CNOT1: variants seen among roughly 807,000 people sequenced by gnomAD.
CNOT1 encodes CCR4-associated factor 1.
CNOT1 carries 15 observed loss-of-function variants against 273.8 expected under a neutral mutation model. The observed-to-expected ratio is 0.05, with a 90% CI of 0.04 to 0.08. The LOEUF (loss-of-function observed/expected upper bound fraction) is 0.08. Among genes scored for constraint, CNOT1 ranks in the 10% least tolerant of loss-of-function variants. CNOT1 has a pLI of 1.00. For missense variants in CNOT1, 1,644 were observed against 2,912.2 expected (o/e 0.56, Z 10.02); for synonymous variants, 1,022 against 1,005.5 (o/e 1.02, Z -0.31).
chr16:58,619,018 C>A (rs561159940), intron 1 of CNOT1, among the ~76,000 whole-genome samples: 1 of 152,134 alleles, frequency 6.6e-6, no homozygotes, highest in East Asian at 1.9e-4. Flanking sequence ...CATAGTGAGA[C>A]CCCCATCACT....
chr16:58,574,358 T>C (rs1433379459), intron 16 of CNOT1, among the ~76,000 whole-genome samples: 1 of 151,368 alleles, frequency 6.6e-6, no homozygotes, highest in Non-Finnish European at 1.5e-5. Flanking sequence ...AGTAGTGGTC[T>C]CAACAAATGC....
intron 2 of CNOT1, among the ~76,000 whole-genome samples, chr16:58,593,200 G>A (rs1202060233): frequency 6.6e-6 from 1 of 152,064 alleles, no homozygotes; most frequent in Non-Finnish European, 1.5e-5. Context: ...AGGAGGGCGG[G>A]ATCTCTCGAG....
chr16:58,580,437 T>C (rs1459663966), intron 12 of CNOT1, among the ~76,000 whole-genome samples, 196 bp downstream of exon 12: 1 of 152,076 alleles, frequency 6.6e-6, no homozygotes, highest in African/African-American at 2.4e-5. Context: ...AGACAGACCT[T>C]ACAAGATATA....
rs2039950369 is a variant in CNOT1, at chr16:58,537,027, G to A, written c.5608C>T (p.Arg1870Cys). ...VNLYHSAAAG[R>C]DSTKAFSAFV... The stretch of plus-strand genomic sequence containing the variant: ...GCAGAGAAAGCTTTGGTACTGTCGC[G>A]GCCAGCTGCTGCTGAATGGTAGAGA... The change falls in exon 39 of 49, where the codon CGC becomes TGC. Residue 1870 changes from arginine to cysteine, a missense_variant. Coordinates refer to ENST00000317147, the MANE Select transcript of CNOT1 (RefSeq NM_016284.5). The A allele has an allele frequency of 6.2e-7, 1 of 1,613,960 alleles. No individual in the cohort carries two copies.
intron 2 of CNOT1, among the ~76,000 whole-genome samples, chr16:58,591,728 T>C (rs1223128758): frequency 6.6e-6 from 1 of 150,482 alleles, no homozygotes; most frequent in Non-Finnish European, 1.5e-5. Flanking sequence ...CACTCCAGCC[T>C]GGGCGACAAG....
intron 2 of CNOT1, among the ~76,000 whole-genome samples, chr16:58,589,235 G>A (rs566246563): frequency 4.3e-4 from 65 of 152,262 alleles, no homozygotes; most frequent in Non-Finnish European, 7.9e-4. Context: ...TTCCTGGGCC[G>A]GGTGCAGTGG....
At chr16:58,587,289 C>A in intron 5 of CNOT1, 34 bp from the exon 6 acceptor site, 1 of 1,613,556 alleles carries the variant, frequency 6.2e-7, no homozygotes, top group South Asian at 1.1e-5. Flanking sequence ...ACCAAAGAGT[C>A]AAATGGCTGT....
intron 1 of CNOT1, among the ~76,000 whole-genome samples, chr16:58,605,243 C>T (rs1482481944): frequency 6.6e-6 from 1 of 152,196 alleles, no homozygotes; most frequent in Non-Finnish European, 1.5e-5. Context: ...TGGCTCCCAC[C>T]TGTAATCCCA....
chr16:58,526,840 A>G (rs1409598660), intron 44 of CNOT1, among the ~76,000 whole-genome samples: 1 of 145,668 alleles, frequency 6.9e-6, no homozygotes, highest in Non-Finnish European at 1.5e-5. Flanking sequence ...AAAAAAAAAA[A>G]TGCATGTGTC....
intron 16 of CNOT1, among the ~76,000 whole-genome samples, chr16:58,560,696 A>C (rs898936748): frequency 4.6e-5 from 7 of 152,194 alleles, no homozygotes; most frequent in Non-Finnish European, 8.8e-5. Context: ...TGGGCAAGAT[A>C]GCGAGACCCC....
At chr16:58,543,956 A>G (rs764630067) in intron 30 of CNOT1, 53 bp from the exon 31 acceptor site, 2 of 1,515,978 alleles carry the variant, frequency 1.3e-6, no homozygotes, top group Non-Finnish European at 8.8e-7. Context: ...AGACAATCCA[A>G]TTCCTACTGG....
At chr16:58,545,769 A>C (rs1378846296) in intron 29 of CNOT1, among the ~76,000 whole-genome samples, 2 of 152,192 alleles carry the variant, frequency 1.3e-5, no homozygotes. Context: ...CAAGTCCTAT[A>C]AACTTAGTCT....
At chr16:58,572,633 G>A (rs979967189) in intron 16 of CNOT1, among the ~76,000 whole-genome samples, 6 of 151,996 alleles carry the variant, frequency 3.9e-5, no homozygotes, top group Admixed American at 6.6e-5. Flanking sequence ...AACGCCAGGC[G>A]TGGTGGCTCA....
chr16:58,528,796 T>C, intron 43 of CNOT1, 148 bp from the exon 44 acceptor site: 1 of 574,008 alleles, frequency 1.7e-6, no homozygotes, highest in Non-Finnish European at 3.0e-6. Flanking sequence ...TAATTAACAT[T>C]ATCACAGATG....
rs1244081138 is a variant in CNOT1 at position 58,520,111 on chromosome 16, T to G, written c.*847A>C. 2 of 152,208 alleles carry G rather than the reference T, an allele frequency of 1.3e-5. No homozygotes were observed. Among genetic ancestry groups the G allele is most frequent in the African/African-American group, 2.4e-5 (1 of 41,450 alleles). 9.4% of individuals were successfully genotyped at this position (152,208 alleles called of 1,614,324 possible). A position where few individuals can be genotyped will look rare whatever the true frequency, so the allele number is the denominator to read the frequency against. On this transcript the variant is annotated 3_prime_UTR_variant, in exon 49 of 49. Transcript: ENST00000317147. ...AGGGGCTGTATTGGTCCTTTCAACT[T>G]TGTCATTATTCAGCTTAGCCTGTAT...
At chr16:58,561,476 G>A (rs1403001203) in intron 16 of CNOT1, among the ~76,000 whole-genome samples, 2 of 152,060 alleles carry the variant, frequency 1.3e-5, no homozygotes, top group Non-Finnish European at 2.9e-5. Flanking sequence ...TGTACTTATA[G>A]ACAAAAACAC....
chr16:58,599,254 G>A lies in CNOT1; in HGVS notation c.84C>T (p.Ser28=), dbSNP rs145809659. The A allele has an allele frequency of 6.4e-4, 1,035 of 1,614,016 alleles. 4 individuals carry two copies. The East Asian group carries it at 0.01, about 16-fold the overall frequency. ...TACTTACATGCTGTATTTCCTGCTG[G>A]CTGGCTCGGTAATTTTTCTTGGTTA... ...DNLTKKNYRA[S]QQEIQHIVNR... is the part of the protein sequence containing the mutation. Residue 28 remains serine (S), a synonymous_variant, in exon 2 of 49, where the codon AGC becomes AGT. Coordinates refer to ENST00000317147, the MANE Select transcript of CNOT1 (RefSeq NM_016284.5).
chr16:58,531,860 A>G lies in CNOT1; in HGVS notation c.6177+98T>C, dbSNP rs561571808. On this transcript the variant is annotated intron_variant, in intron 42 of 48. Coordinates refer to ENST00000317147, the MANE Select transcript of CNOT1 (RefSeq NM_016284.5). ...CCCAACTAAGTTTGGAAGAAGTACA[A>G]TTACTACTAAATGACTAATAGAAAT... 53 of 1,399,408 alleles carry G rather than the reference A, an allele frequency of 3.8e-5. No individual in the cohort carries two copies. In the African/African-American group the frequency reaches 6.3e-4, roughly 17 times the overall value. The allele number at this position is 1,399,408 out of a possible 1,614,324, so 86.7% of individuals were successfully genotyped here. A position where few individuals can be genotyped will look rare whatever the true frequency, so the allele number is the denominator to read the frequency against.
intron 3 of CNOT1, among the ~76,000 whole-genome samples, chr16:58,588,362 A>G (rs554524375): frequency 6.6e-6 from 1 of 151,894 alleles, no homozygotes; most frequent in East Asian, 1.9e-4. Flanking sequence ...GAGTTTTTTA[A>G]AAAAAAAACT....
Sources: gnomAD v4.1 joint callset for allele counts (sites outside exome capture counted in the v4.1 genomes callset) on GRCh38, gnomAD v4.1.1 for gene constraint, MANE v1.5 for transcripts, NCBI Gene and HGNC (gene_info 2026-07-23, HGNC 2026-07-21) for gene names.